IGFL2: variants seen among roughly 807,000 people sequenced by gnomAD.
The protein encoded by IGFL2 is IGF like family member 2.
Under a neutral mutation model 13.9 loss-of-function variants are expected in IGFL2, and 7 were observed. The observed-to-expected ratio is 0.51, with a 90% CI of 0.29 to 0.95. The LOEUF (loss-of-function observed/expected upper bound fraction) is 0.95. Ranked by LOEUF, IGFL2 falls within the 40% of genes least tolerant of loss-of-function variation. The pLI is 0.08. For missense variants in IGFL2, 138 were observed against 147.8 expected (o/e 0.93, Z 0.34); for synonymous variants, 55 against 55.8 (o/e 0.99, Z 0.07).
the IGFL2 span, among the ~76,000 whole-genome samples, chr19:46,177,483 T>C: frequency 1.3e-5 from 2 of 152,062 alleles, no homozygotes; most frequent in Non-Finnish European, 2.9e-5. Context: ...CATATATATA[T>C]ACGCATTATA....
At chr19:46,185,914 A>G in the IGFL2 span, among the ~76,000 whole-genome samples, 1 of 151,336 alleles carries the variant, frequency 6.6e-6, no homozygotes, top group Non-Finnish European at 1.5e-5. Flanking sequence ...AATTTTTAAG[A>G]CTCCCTCTGA....
At chr19:46,138,039 G>C in the IGFL2 span, among the ~76,000 whole-genome samples, 697 of 152,272 alleles carry the variant, frequency 4.6e-3, 4 homozygotes, top group Non-Finnish European at 7.0e-3. Flanking sequence ...ATTTCGGTCT[G>C]GTTAAGAACC....
the IGFL2 span, among the ~76,000 whole-genome samples, chr19:46,192,966 G>T: frequency 1.3e-5 from 2 of 149,884 alleles, no homozygotes; most frequent in Non-Finnish European, 3.0e-5. Context: ...AAGGTGGGTG[G>T]ATCACTTGAG....
chr19:46,136,008 A>G, the IGFL2 span, among the ~76,000 whole-genome samples: 133 of 152,156 alleles, frequency 8.7e-4, no homozygotes, highest in African/African-American at 3.1e-3. Flanking sequence ...CCTACTTTCT[A>G]GCTGCATTTA....
chr19:46,111,891 C>T, the IGFL2 span: 2 of 152,176 alleles, frequency 1.3e-5, no homozygotes, highest in Admixed American at 1.3e-4. Flanking sequence ...TGAAGTATAT[C>T]CATGTAACAA....
the IGFL2 span, among the ~76,000 whole-genome samples, chr19:46,082,031 G>T: frequency 2.0e-5 from 3 of 152,228 alleles, no homozygotes; most frequent in South Asian, 2.1e-4. Flanking sequence ...CATTTTGAAG[G>T]CTATTTTAGC....
the IGFL2 span, among the ~76,000 whole-genome samples, chr19:46,079,260 T>C: frequency 6.6e-6 from 1 of 152,274 alleles, no homozygotes; most frequent in Non-Finnish European, 1.5e-5. Context: ...GCAGAGTTCA[T>C]GGCTGGGGCT....
chr19:46,208,660 T>C, the IGFL2 span: 1 of 152,168 alleles, frequency 6.6e-6, no homozygotes, highest in Non-Finnish European at 1.5e-5. Context: ...TTTTCCATGC[T>C]GTTCTCCTGA....
the IGFL2 span, among the ~76,000 whole-genome samples, chr19:46,205,558 A>C: frequency 6.6e-6 from 1 of 152,124 alleles, no homozygotes; most frequent in African/African-American, 2.4e-5. Flanking sequence ...CCCGTCTATA[A>C]AATCCAGTGC....
At chr19:46,133,572 C>T in the IGFL2 span, among the ~76,000 whole-genome samples, 3 of 152,248 alleles carry the variant, frequency 2.0e-5, no homozygotes, top group Admixed American at 6.5e-5. Flanking sequence ...CTAATGCTTG[C>T]TTGGGCCTGT....
the IGFL2 span, among the ~76,000 whole-genome samples, chr19:46,127,137 G>T: frequency 6.2e-4 from 95 of 152,216 alleles, 2 homozygotes; most frequent in South Asian, 0.018. Flanking sequence ...TGTAATCCTG[G>T]CACTTTGGGA....
the IGFL2 span, among the ~76,000 whole-genome samples, chr19:46,078,746 C>T: frequency 1.3e-5 from 2 of 152,272 alleles, no homozygotes; most frequent in Admixed American, 6.5e-5. Flanking sequence ...TCCCAGTAGT[C>T]AACACTAGAT....
the IGFL2 span, among the ~76,000 whole-genome samples, chr19:46,081,625 C>T: frequency 6.6e-6 from 1 of 152,282 alleles, no homozygotes; most frequent in Admixed American, 6.5e-5. Flanking sequence ...GTATATGCAG[C>T]CTAGCCCTCA....
At chr19:46,083,432 T>C in the IGFL2 span, among the ~76,000 whole-genome samples, 3 of 152,204 alleles carry the variant, frequency 2.0e-5, no homozygotes, top group Non-Finnish European at 2.9e-5. Flanking sequence ...GTGTGGTACG[T>C]GTGTACATTT....
At chr19:46,139,336 AAAAC>A (rs1164686140), upstream of IGFL2, among the ~76,000 whole-genome samples, 1 of 58,700 alleles carries the variant, frequency 1.7e-5, no homozygotes, top group Non-Finnish European at 4.4e-5. Context: ...CTCCCCAATC[AAAAC>A]CAATTTTTTT....
At chr19:46,084,419 C>G in the IGFL2 span, among the ~76,000 whole-genome samples, 1 of 152,134 alleles carries the variant, frequency 6.6e-6, no homozygotes, top group Non-Finnish European at 1.5e-5. Context: ...TACTGCATTG[C>G]TCTCTCTCTT....
chr19:46,140,053 G>T (rs1162982757), upstream of IGFL2, among the ~76,000 whole-genome samples: 1 of 151,938 alleles, frequency 6.6e-6, no homozygotes, highest in Non-Finnish European at 1.5e-5. Context: ...GGGTTCAAAC[G>T]ATTCTCCTGC....
rs1407711308 is a variant in IGFL2 at position 46,149,101 on chromosome 19, A to G, written c.19+804A>G. The G allele has an allele frequency of 7.0e-6, 9 of 1,281,700 alleles. No individual in the cohort carries two copies. The Admixed American group carries it at 7.6e-5, about 11-fold the overall frequency. 79.4% of individuals were successfully genotyped at this position (1,281,700 alleles called of 1,614,324 possible). The stretch of plus-strand genomic sequence containing the variant: ...TGTGTGTATTCCATCAAGATGAGCA[A>G]TGCCTGCTGTGTTCACTAACTTCTT... On this transcript the variant is annotated intron_variant, in intron 1 of 3. Transcript: ENST00000377693.
At chr19:46,096,237 TC>T in the IGFL2 span, among the ~76,000 whole-genome samples, 1 of 152,174 alleles carries the variant, frequency 6.6e-6, no homozygotes, top group Non-Finnish European at 1.5e-5. Context: ...GTTCTTCACA[TC>T]CCTTGTTAGC....
Sources: gnomAD v4.1 joint callset for allele counts (sites outside exome capture counted in the v4.1 genomes callset) on GRCh38, gnomAD v4.1.1 for gene constraint, MANE v1.5 for transcripts, NCBI Gene and HGNC (gene_info 2026-07-23, HGNC 2026-07-21) for gene names.